The following ADAM10 variants were observed in gnomAD, a reference collection of about 807,000 sequenced individuals.
ADAM10 encodes disintegrin and metalloproteinase domain-containing protein 10.
A neutral mutation model predicts 90.1 loss-of-function variants in ADAM10; 17 were observed. That is an observed-to-expected ratio of 0.19 (90% CI 0.13 to 0.28). The LOEUF (loss-of-function observed/expected upper bound fraction) is 0.28. Among genes scored for constraint, ADAM10 ranks in the 10% least tolerant of loss-of-function variants. The pLI is 1.00. For missense variants in ADAM10, 610 were observed against 914.3 expected (o/e 0.67, Z 4.29); for synonymous variants, 310 against 298.6 (o/e 1.04, Z -0.40).
chr15:58,702,241 A>G (rs181824124), intron 2 of ADAM10, among the ~76,000 whole-genome samples: 15 of 152,322 alleles, frequency 9.8e-5, no homozygotes, highest in Non-Finnish European at 1.8e-4. Context: ...GTGAGATTAG[A>G]AAGTTGATCT....
intron 5 of ADAM10, among the ~76,000 whole-genome samples, chr15:58,660,801 T>C (rs1896948282): frequency 6.6e-6 from 1 of 152,266 alleles, no homozygotes; most frequent in East Asian, 1.9e-4. Flanking sequence ...AAACTTTTTC[T>C]GAAAAGGCCT....
chr15:58,675,147 G>A (rs979458558), intron 4 of ADAM10, among the ~76,000 whole-genome samples: 10 of 152,216 alleles, frequency 6.6e-5, no homozygotes, highest in Non-Finnish European at 1.3e-4. Context: ...GCAGTGAGCT[G>A]AGATGGCACC....
At chr15:58,722,229 C>T (rs762347778) in intron 1 of ADAM10, among the ~76,000 whole-genome samples, 67 of 152,040 alleles carry the variant, frequency 4.4e-4, no homozygotes, top group Non-Finnish European at 9.3e-4. Flanking sequence ...ATAACACCAG[C>T]TACTCAAGAG....
At chr15:58,626,663 G>A (rs1895956081) in intron 10 of ADAM10, among the ~76,000 whole-genome samples, 1 of 152,134 alleles carries the variant, frequency 6.6e-6, no homozygotes, top group Admixed American at 6.5e-5. Context: ...CTACAACACA[G>A]ATAAACCTTG....
At chr15:58,670,519 A>C (rs1897169233) in intron 4 of ADAM10, among the ~76,000 whole-genome samples, 1 of 152,184 alleles carries the variant, frequency 6.6e-6, no homozygotes. Context: ...GCTGGTAAAT[A>C]ATACATTTAT....
At position 58,655,717 on chromosome 15, in the gene ADAM10, A is replaced by AGTG. The variant is rs1316558058; in HGVS notation, c.585+9379_585+9380insCAC. Among the ~76,000 whole-genome samples, 177 of 55,418 alleles carry AGTG rather than the reference A, an allele frequency of 3.2e-3. 3 individuals are homozygous for AGTG. Among genetic ancestry groups the AGTG allele is most frequent in the African/African-American group, 0.02 (171 of 8,580 alleles). 36.4% of individuals were successfully genotyped at this position (55,418 alleles called of 152,430 possible). On this transcript the variant is annotated intron_variant, in intron 5 of 15. Transcript: ENST00000260408. ...TATAGTATATATATATATAGTATAT[A>AGTG]TATATATATATATATATATATATTC...
At chr15:58,643,157 G>C (rs1232273486) in intron 7 of ADAM10, among the ~76,000 whole-genome samples, 2 of 151,612 alleles carry the variant, frequency 1.3e-5, no homozygotes, top group African/African-American at 2.4e-5. Flanking sequence ...GAAATCTTTT[G>C]AAAAAATAGC....
chr15:58,702,754 T>A (rs1386233662), intron 2 of ADAM10, among the ~76,000 whole-genome samples: 4 of 152,168 alleles, frequency 2.6e-5, no homozygotes, highest in African/African-American at 9.7e-5. Context: ...CAAATTTAAA[T>A]CACATATCAA....
intron 1 of ADAM10, among the ~76,000 whole-genome samples, chr15:58,720,861 T>C (rs1411457340): frequency 1.3e-5 from 2 of 152,216 alleles, no homozygotes; most frequent in Non-Finnish European, 2.9e-5. Flanking sequence ...ATAATTTCTT[T>C]CATTTTGAAA....
chr15:58,717,419 TAA>T (rs1435449209), intron 2 of ADAM10, among the ~76,000 whole-genome samples, 156 bp downstream of exon 2: 2 of 152,180 alleles, frequency 1.3e-5, no homozygotes, highest in Non-Finnish European at 2.9e-5. Flanking sequence ...CATTTTAAAA[TAA>T]GTCATTTTTT....
At chr15:58,606,454 A>T (rs1279068845) in intron 14 of ADAM10, among the ~76,000 whole-genome samples, 2 of 152,236 alleles carry the variant, frequency 1.3e-5, no homozygotes, top group African/African-American at 4.8e-5. Context: ...TTTTCCATAT[A>T]AATTATTACA....
At chr15:58,694,434 GAAC>G (rs1897917489) in intron 2 of ADAM10, among the ~76,000 whole-genome samples, 1 of 152,028 alleles carries the variant, frequency 6.6e-6, no homozygotes, top group East Asian at 1.9e-4. Context: ...CTGGGAAACA[GAAC>G]AACACTCCCT....
At chr15:58,636,689 T>C (rs1596014996) in intron 8 of ADAM10, among the ~76,000 whole-genome samples, 2 of 152,082 alleles carry the variant, frequency 1.3e-5, no homozygotes, top group East Asian at 1.9e-4. Context: ...AGTTAGAGTA[T>C]CTGTCCTAAA....
intron 8 of ADAM10, among the ~76,000 whole-genome samples, chr15:58,635,284 AAAAAAAAAAG>A (rs1243573518): frequency 7.4e-5 from 11 of 148,732 alleles, no homozygotes; most frequent in African/African-American, 1.7e-4. Flanking sequence ...CAAAAAAAAA[AAAAAAAAAAG>A]AAAGAAAGAA....
At chr15:58,711,992 A>AAT (rs1193054808) in intron 2 of ADAM10, among the ~76,000 whole-genome samples, 9 of 152,206 alleles carry the variant, frequency 5.9e-5, no homozygotes, top group East Asian at 1.9e-4. Flanking sequence ...CATAAGTTAA[A>AAT]ATATATATAT....
chr15:58,597,912 ATTTC>A (rs1335864553), intron 15 of ADAM10, among the ~76,000 whole-genome samples: 9 of 152,266 alleles, frequency 5.9e-5, no homozygotes, highest in African/African-American at 2.2e-4. Flanking sequence ...CTAACAAAAT[ATTTC>A]TTTTTTTATA....
intron 2 of ADAM10, among the ~76,000 whole-genome samples, chr15:58,688,422 A>C (rs1449096863): frequency 1.4e-5 from 2 of 142,230 alleles, no homozygotes; most frequent in Non-Finnish European, 1.5e-5. Flanking sequence ...AATGTGAAAT[A>C]TCCAATTAAA....
chr15:58,715,470 G>T (rs375282667), intron 2 of ADAM10, among the ~76,000 whole-genome samples: 1 of 151,122 alleles, frequency 6.6e-6, no homozygotes, highest in African/African-American at 2.4e-5. Context: ...CACATTACAT[G>T]AGATTTCCTG....
chr15:58,589,856 C>T lies in ADAM10; in HGVS notation c.*7691G>A, dbSNP rs1228090178. On this transcript the variant is annotated 3_prime_UTR_variant, in exon 16 of 16. Coordinates refer to ENST00000260408, the MANE Select transcript of ADAM10 (RefSeq NM_001110.4). ...GGTCTGAAAAGCGAAGCGCCTTTCA[C>T]AACTCCCAGATTGTTGGGCCAATAT... 3 of 152,154 alleles carry T rather than the reference C, an allele frequency of 2.0e-5. No individual in the cohort carries two copies. Among genetic ancestry groups the T allele is most frequent in the African/African-American group, 7.2e-5 (3 of 41,422 alleles). The allele number at this position is 152,154 out of a possible 1,614,324, so 9.4% of individuals were successfully genotyped here. A position where few individuals can be genotyped will look rare whatever the true frequency, so the allele number is the denominator to read the frequency against.
Sources: allele counts gnomAD v4.1 joint callset (sites outside exome capture counted in the v4.1 genomes callset), GRCh38; gene constraint gnomAD v4.1.1; transcripts MANE v1.5; gene names NCBI Gene and HGNC (gene_info 2026-07-23, HGNC 2026-07-21).